The following HIF3A variants were observed in gnomAD, a reference collection of about 807,000 sequenced individuals.
The protein encoded by HIF3A is hypoxia inducible factor 3 subunit alpha, also known as hypoxia-inducible factor 3-alpha.
Under a neutral mutation model 67.2 loss-of-function variants are expected in HIF3A, and 41 were observed. The ratio of observed to expected loss-of-function variants is 0.61; its 90% CI spans 0.48 to 0.79. The LOEUF is 0.79. Ranked by LOEUF, HIF3A falls within the 30% of genes least tolerant of loss-of-function variation. The pLI is 0.00. For synonymous variants in HIF3A, 356 were observed against 374.8 expected, an observed-to-expected ratio of 0.95 and a Z score of 0.58; for missense variants, 855 against 898.0, an observed-to-expected ratio of 0.95 and a Z score of 0.61.
chr19:46,320,599 C>G, intron 9 of HIF3A, 38 bp downstream of exon 9: 1 of 1,524,024 alleles, frequency 6.6e-7, no homozygotes, highest in Non-Finnish European at 9.1e-7. Context: ...GGTTGTGTCC[C>G]CAGGGCCCTT....
intron 8 of HIF3A, among the ~76,000 whole-genome samples, chr19:46,319,060 T>C (rs907413801): frequency 6.6e-6 from 1 of 152,110 alleles, no homozygotes; most frequent in Non-Finnish European, 1.5e-5. Context: ...GAGGATATAT[T>C]TGTGGAATGA....
rs776204201 is a variant in HIF3A at position 46,321,853 on chromosome 19, C to T, written c.1222C>T (p.Arg408Cys). The T allele has an allele frequency of 5.6e-6, 9 of 1,613,906 alleles. No homozygotes were observed. The highest frequency in any genetic ancestry group is 5.3e-5 in the African/African-American group (4 of 74,926). Residue 408 changes from arginine (R) to cysteine (C), a missense_variant, in exon 10 of 15, where the codon CGT becomes TGT. Physicochemically the swap from Arg to Cys is radical, Grantham distance 180. Around this residue, in one of 3 missense-constraint regions of HIF3A, gnomAD observed 638 missense variants for 660.5 expected, o/e 0.97. Coordinates refer to ENST00000377670, the MANE Select transcript of HIF3A (RefSeq NM_152795.4). ...GGCTGCCCTGGCCGCTGACCCCCGC[C>T]GTTTCTGCAGCCCTGACCTCCGTCG... ...SEAALAADPR[R>C]FCSPDLRRLL...
chr19:46,334,800 C>A, intron 13 of HIF3A, 105 bp from the exon 14 acceptor site: 1 of 864,384 alleles, frequency 1.2e-6, no homozygotes, highest in Non-Finnish European at 1.8e-6. Context: ...TCCCAATCCT[C>A]TGGCCTCAGC....
At chr19:46,315,550 T>C (rs1255632097) in intron 8 of HIF3A, among the ~76,000 whole-genome samples, 1 of 151,802 alleles carries the variant, frequency 6.6e-6, no homozygotes, top group African/African-American at 2.4e-5. Flanking sequence ...GATCACATGT[T>C]TTCATTTCTC....
In HIF3A at chr19:46,332,724, C is replaced by G. The variant is rs190942603; in HGVS notation, c.1830+1451C>G. Among the ~76,000 whole-genome samples, 267 of 152,222 alleles carry G rather than the reference C, an allele frequency of 1.8e-3. 1 individual carries two copies. The highest frequency in any genetic ancestry group is 5.7e-3 in the African/African-American group (237 of 41,554). ...ACAGGCCAGACATAATGCCTCACGC[C>G]TGTAATCCCAGCACTTTGGGAGGAT... is the stretch of plus-strand genomic sequence containing the variant. On this transcript the variant is annotated intron_variant, in intron 13 of 14. Coordinates refer to ENST00000377670, the MANE Select transcript of HIF3A (RefSeq NM_152795.4).
rs974869379 is a variant in HIF3A, at chr19:46,342,754, A to C, written c.*3132A>C. On this transcript the variant is annotated 3_prime_UTR_variant, in exon 15 of 15. Transcript: ENST00000377670. ...TTCCAGACCCCAGCCTCCTAAATCTATTCTGGGCTTCCCACCCCACTGAAC... is the reference window on the plus strand; with the variant it reads ...TTCCAGACCCCAGCCTCCTAAATCTCTTCTGGGCTTCCCACCCCACTGAAC... The C allele has an allele frequency of 6.6e-6, 1 of 152,158 alleles. No homozygotes were observed. Among genetic ancestry groups the C allele is most frequent in the Non-Finnish European group, 1.5e-5 (1 of 68,076 alleles). The allele number at this position is 152,158 out of a possible 1,614,324, so 9.4% of individuals were successfully genotyped here.
At chr19:46,320,591 T>C (rs768798884) in intron 9 of HIF3A, 30 bp downstream of exon 9, 5 of 1,562,034 alleles carry the variant, frequency 3.2e-6, no homozygotes, top group Non-Finnish European at 4.4e-6. Flanking sequence ...CCGGGAGGGG[T>C]TGTGTCCCCA....
intron 3 of HIF3A, 43 bp from the exon 4 acceptor site, chr19:46,308,178 G>A (rs117916105): frequency 0.029 from 37,887 of 1,298,876 alleles, 665 homozygotes; most frequent in Non-Finnish European, 0.035. Context: ...GAGGAGATGG[G>A]TCAGAAGCCC....
chr19:46,305,123 C>T (rs760801248), intron 2 of HIF3A, 122 bp from the exon 3 acceptor site: 2 of 1,376,686 alleles, frequency 1.5e-6, no homozygotes, highest in Admixed American at 1.7e-5. Flanking sequence ...CCCCCACTTC[C>T]TTGGGGGTGC....
rs1330484674 is a variant in HIF3A, at chr19:46,320,594, T to C, written c.1144+33T>C. On this transcript the variant is annotated intron_variant, in intron 9 of 14. Transcript: ENST00000377670. ...GCAGGGCTGGGGCCGGGAGGGGTTG[T>C]GTCCCCAGGGCCCTTGGGAGAAAGC... 7 of 1,541,844 alleles carry C rather than the reference T, an allele frequency of 4.5e-6. No individual in the cohort carries two copies. The South Asian group carries it at 7.8e-5, about 17-fold the overall frequency.
chr19:46,326,420 G>A (rs1970783849), intron 11 of HIF3A, among the ~76,000 whole-genome samples: 1 of 152,106 alleles, frequency 6.6e-6, no homozygotes, highest in Non-Finnish European at 1.5e-5. Context: ...ATATTGTTTT[G>A]GTCATATAGA....
In HIF3A at chr19:46,325,541, C is replaced by G. The variant is rs1970719240; in HGVS notation, c.1342C>G (p.Leu448Val). The G allele has an allele frequency of 1.2e-6, 2 of 1,611,766 alleles. No individual in the cohort carries two copies. The highest frequency in any genetic ancestry group is 1.7e-6 in the Non-Finnish European group (2 of 1,178,876). ...CTACTCCATCTCTCCACAGGCTGAT[C>G]TCCCAGATGAACTACCTGTGGGCAC... Reference protein sequence around the residue: ...RHPQSPLSADLPDELPVGTEN... With the variant: ...RHPQSPLSADVPDELPVGTEN... The change falls in exon 11 of 15, where the codon CTC (leucine) becomes GTC (valine). Residue 448 changes from leucine to valine, a missense_variant. Around this residue, in one of 3 missense-constraint regions of HIF3A, gnomAD observed 638 missense variants for 660.5 expected, o/e 0.97. Coordinates refer to ENST00000377670, the MANE Select transcript of HIF3A (RefSeq NM_152795.4).
In HIF3A at chr19:46,334,902, CAG is replaced by C; in HGVS notation, c.1831_1832del. The C allele has an allele frequency of 1.2e-6, 2 of 1,607,190 alleles. No homozygotes were observed. The highest frequency in any genetic ancestry group is 1.7e-6 in the Non-Finnish European group (2 of 1,176,620). On this transcript the variant is annotated splice_acceptor_variant, in intron 13 of 14. Transcript: ENST00000377670. LOFTEE classifies it high-confidence loss of function. The stretch of plus-strand genomic sequence containing the variant: ...TGGTGGTGGCTTTGTCTCTCTCCCA[CAG>C]AGTTTCCTTCTGACAGGAGGACCAG...
Position 46,325,694 on chromosome 19 carries a change from A to C in HIF3A, c.1440+55A>C, listed in dbSNP as rs150465813. 27 of 1,231,212 alleles carry C rather than the reference A, an allele frequency of 2.2e-5. No homozygotes were observed. The African/African-American group carries it at 2.5e-4, about 12-fold the overall frequency. The allele number at this position is 1,231,212 out of a possible 1,614,324, so 76.3% of individuals were successfully genotyped here. ...TCAGCCCTGTGTTCTGGGGATTCAC[A>C]TATGTGGCTTTAGAGAAGGGTAGTG... is the stretch of plus-strand genomic sequence containing the variant. On this transcript the variant is annotated intron_variant, in intron 11 of 14. Coordinates refer to ENST00000377670, the MANE Select transcript of HIF3A (RefSeq NM_152795.4).
intron 8 of HIF3A, 117 bp downstream of exon 8, chr19:46,312,770 G>A: frequency 6.9e-7 from 1 of 1,458,870 alleles, no homozygotes; most frequent in Admixed American, 2.8e-5. Context: ...ATGCATAAGT[G>A]TATGTGAGGG....
chr19:46,339,456 T>C (rs1971849968), intron 14 of HIF3A, 69 bp from the exon 15 acceptor site: 1 of 1,005,404 alleles, frequency 9.9e-7, no homozygotes, highest in African/African-American at 1.6e-5. Flanking sequence ...GACATTGGGG[T>C]TATGGTTGTC....
intron 6 of HIF3A, chr19:46,310,443 C>A: frequency 1.0e-5 from 3 of 294,824 alleles, no homozygotes; most frequent in Non-Finnish European, 1.4e-5. Context: ...ATTTGTTCAC[C>A]CTCTATCCTT....
chr19:46,310,451 C>A, intron 6 of HIF3A: 1 of 310,694 alleles, frequency 3.2e-6, no homozygotes, highest in African/African-American at 2.2e-5. Flanking sequence ...ACCCTCTATC[C>A]TTCCTTTCAT....
chr19:46,298,413 G>A lies in HIF3A; in HGVS notation c.26+1311G>A, dbSNP rs1041713581. 5.0e-5 allele frequency: 61 copies of A among 1,215,224 alleles called. No homozygotes were observed. In the African/African-American group the frequency reaches 6.7e-4, roughly 13 times the overall value. The allele number at this position is 1,215,224 out of a possible 1,614,324, so 75.3% of individuals were successfully genotyped here. On this transcript the variant is annotated intron_variant, in intron 1 of 14. Transcript: ENST00000377670. Reference sequence around the variant, plus strand: ...CCCTTTCCTGTGGAGTCATCTCACCGCCGTGCGCACCCACTCGTAACTCGC... The same window carrying A: ...CCCTTTCCTGTGGAGTCATCTCACCACCGTGCGCACCCACTCGTAACTCGC...
Sources: allele counts gnomAD v4.1 joint callset (sites outside exome capture counted in the v4.1 genomes callset), GRCh38; gene constraint gnomAD v4.1.1; regional missense constraint gnomAD v4.1.1; transcripts MANE v1.5; gene names NCBI Gene and HGNC (gene_info 2026-07-23, HGNC 2026-07-21).